The following DACH1 variants were observed in gnomAD, a reference collection of about 807,000 sequenced individuals.
DACH1 encodes the protein dachshund family transcription factor 1.
In DACH1, 12 loss-of-function variants were observed where a neutral mutation model predicts 54.2. The observed-to-expected ratio is 0.22, with a 90% confidence interval of 0.14 to 0.36. DACH1 has a LOEUF of 0.36. Ranked by LOEUF, DACH1 falls within the 10% of genes least tolerant of loss-of-function variation. DACH1 has a pLI of 1.00. For missense variants in DACH1, 805 were observed against 929.8 expected (o/e 0.87, Z 1.75); for synonymous variants, 386 against 366.2 (o/e 1.05, Z -0.62).
chr13:71,779,601 A>G (rs1459055296), intron 1 of DACH1, among the ~76,000 whole-genome samples: 1 of 152,052 alleles, frequency 6.6e-6, no homozygotes, highest in Non-Finnish European at 1.5e-5. Context: ...CTTTGCATAC[A>G]ACCTAAACCA....
At chr13:71,786,025 A>G (rs1034698152) in intron 1 of DACH1, among the ~76,000 whole-genome samples, 1 of 152,188 alleles carries the variant, frequency 6.6e-6, no homozygotes, top group Non-Finnish European at 1.5e-5. Context: ...GCAAATGTGA[A>G]TAAAAGGAGG....
At chr13:71,548,412 A>G (rs553796840) in intron 6 of DACH1, among the ~76,000 whole-genome samples, 1 of 152,142 alleles carries the variant, frequency 6.6e-6, no homozygotes, top group Non-Finnish European at 1.5e-5. Flanking sequence ...TTATTCTTTC[A>G]TATTAAAAAA....
intron 1 of DACH1, among the ~76,000 whole-genome samples, chr13:71,804,548 C>A (rs957776414): frequency 6.6e-6 from 1 of 152,146 alleles, no homozygotes; most frequent in Admixed American, 6.6e-5. Context: ...CGTATTTAGG[C>A]CCTAGCCAAT....
At chr13:71,865,808 GGGGCGCGCGGCTCGC>G (rs1874708991) in intron 1 of DACH1, 99 bp downstream of exon 1, 5 of 1,309,698 alleles carry the variant, frequency 3.8e-6, no homozygotes, top group East Asian at 6.4e-5. Context: ...CGCGCTCGCC[GGGGCGCGCGGCTCGC>G]GGGCGCGCAG....
At chr13:71,493,031 T>C (rs1199189213) in intron 6 of DACH1, among the ~76,000 whole-genome samples, 1 of 151,952 alleles carries the variant, frequency 6.6e-6, no homozygotes, top group African/African-American at 2.4e-5. Context: ...TAATGAGTTT[T>C]TTTTTTTTTT....
intron 3 of DACH1, among the ~76,000 whole-genome samples, chr13:71,625,085 C>G (rs1876544586): frequency 6.6e-6 from 1 of 151,938 alleles, no homozygotes. Flanking sequence ...TCTCTCAGGA[C>G]CTATGTCTAA....
At chr13:71,811,667 T>C (rs1056453394) in intron 1 of DACH1, among the ~76,000 whole-genome samples, 1 of 152,210 alleles carries the variant, frequency 6.6e-6, no homozygotes, top group African/African-American at 2.4e-5. Flanking sequence ...CCCCTCATTC[T>C]CTACCTTTGC....
chr13:71,700,082 T>C (rs936963552), intron 1 of DACH1, among the ~76,000 whole-genome samples: 17 of 152,178 alleles, frequency 1.1e-4, no homozygotes, highest in Non-Finnish European at 2.4e-4. Context: ...GAAAAGTGTG[T>C]GTGCGTGCAT....
At chr13:71,562,917 C>T (rs550242501) in intron 4 of DACH1, among the ~76,000 whole-genome samples, 6 of 152,146 alleles carry the variant, frequency 3.9e-5, no homozygotes, top group African/African-American at 1.4e-4. Flanking sequence ...TATTTGCGCA[C>T]TTATCATAGA....
chr13:71,830,100 G>A (rs970095558), intron 1 of DACH1, among the ~76,000 whole-genome samples: 1 of 151,850 alleles, frequency 6.6e-6, no homozygotes, highest in Non-Finnish European at 1.5e-5. Flanking sequence ...AATATTTTAA[G>A]TAGATATATT....
In DACH1 at chr13:71,814,647, C is replaced by A. The variant is rs146846816; in HGVS notation, c.848+51275G>T. 2.3e-3 allele frequency among the ~76,000 whole-genome samples: 357 copies of A among 152,114 alleles called. 4 individuals are homozygous for A. The highest frequency in any genetic ancestry group is 8.3e-3 in the African/African-American group (343 of 41,496). On this transcript the variant is annotated intron_variant, in intron 1 of 10. Coordinates refer to ENST00000613252, the MANE Select transcript of DACH1 (RefSeq NM_080759.6). ...AGTATCCAGTTATCTGTTTTCTGAG[C>A]CTTTGAAAAGTGGAAATATTAATGG...
intron 10 of DACH1, chr13:71,464,623 A>AT (rs1204072591): frequency 4.5e-6 from 2 of 447,778 alleles, no homozygotes; most frequent in African/African-American, 4.0e-5. Flanking sequence ...CCATGCAAAT[A>AT]TTTTATGAAG....
At chr13:71,756,995 G>T (rs185196748) in intron 1 of DACH1, among the ~76,000 whole-genome samples, 1 of 151,926 alleles carries the variant, frequency 6.6e-6, no homozygotes, top group Non-Finnish European at 1.5e-5. Flanking sequence ...CATATACTGT[G>T]ACTGTTTGAT....
intron 1 of DACH1, among the ~76,000 whole-genome samples, chr13:71,744,354 T>TAG (rs1884521134): frequency 6.6e-6 from 1 of 152,194 alleles, no homozygotes; most frequent in Non-Finnish European, 1.5e-5. Flanking sequence ...TTATGCCTGA[T>TAG]ACGGTTCAAG....
intron 1 of DACH1, among the ~76,000 whole-genome samples, chr13:71,727,747 G>A (rs1456381724): frequency 6.6e-6 from 1 of 152,076 alleles, no homozygotes; most frequent in Non-Finnish European, 1.5e-5. Context: ...AAGCCCTGTA[G>A]TAAATCACTG....
At position 71,693,296 on chromosome 13, in the gene DACH1, C is replaced by CTTTTTTTTTTTTTTTTTT. The variant is rs869289138; in HGVS notation, c.849-11404_849-11387dup. The stretch of plus-strand genomic sequence containing the variant: ...AATACCCTCTTATCCATTTGTTTTG[C>CTTTTTTTTTTTTTTTTTT]TTTTTTTTTTTTTTTTTTTTTTTGA... On this transcript the variant is annotated intron_variant, in intron 1 of 10. Coordinates refer to ENST00000613252, the MANE Select transcript of DACH1 (RefSeq NM_080759.6). Among the ~76,000 whole-genome samples, 16 of 90,962 alleles carry CTTTTTTTTTTTTTTTTTT rather than the reference C, an allele frequency of 1.8e-4. 1 individual carries two copies. The highest frequency in any genetic ancestry group is 6.7e-4 in the African/African-American group (13 of 19,394). The allele number at this position is 90,962 out of a possible 152,430, so 59.7% of individuals were successfully genotyped here. A position where few individuals can be genotyped will look rare whatever the true frequency, so the allele number is the denominator to read the frequency against.
intron 1 of DACH1, among the ~76,000 whole-genome samples, chr13:71,748,640 G>T (rs888049479): frequency 6.6e-6 from 1 of 152,064 alleles, no homozygotes; most frequent in African/African-American, 2.4e-5. Flanking sequence ...GGGCCTTGAG[G>T]TGTCTGCCCT....
chr13:71,460,622 C>T (rs1186650743), intron 10 of DACH1, among the ~76,000 whole-genome samples: 1 of 151,918 alleles, frequency 6.6e-6, no homozygotes, highest in Admixed American at 6.6e-5. Context: ...AGTTTGAAAC[C>T]AAACCAGTCA....
chr13:71,693,286 ATTTGTTTTGCTTTTTTTTT>A (rs1881618478), intron 1 of DACH1, among the ~76,000 whole-genome samples: 1 of 123,826 alleles, frequency 8.1e-6, no homozygotes, highest in Non-Finnish European at 1.6e-5. Context: ...CCTCTTATCC[ATTTGTTTTGCTTTTTTTTT>A]TTTTTTTTTT....
Sources: allele counts gnomAD v4.1 joint callset (sites outside exome capture counted in the v4.1 genomes callset), GRCh38; gene constraint gnomAD v4.1.1; transcripts MANE v1.5; gene names NCBI Gene and HGNC (gene_info 2026-07-23, HGNC 2026-07-21).